Variants in MAN2B2 observed in about 807,000 individuals in gnomAD.
MAN2B2 encodes epididymis-specific alpha-mannosidase.
Under a neutral mutation model 117.1 loss-of-function variants are expected in MAN2B2, and 106 were observed. The observed-to-expected ratio is 0.90, with a 90% CI of 0.77 to 1.06. The LOEUF (loss-of-function observed/expected upper bound fraction) is 1.06, where lower values mean the gene tolerates loss of function less well. Among genes scored for constraint, MAN2B2 ranks in the 50% least tolerant of loss-of-function variants. The pLI is 0.00. For synonymous variants in MAN2B2, 544 were observed against 595.1 expected (o/e 0.91, Z 1.25); for missense variants, 1,326 against 1,381.4 (o/e 0.96, Z 0.64).
At chr4:6,581,020 T>G (rs991317737) in intron 3 of MAN2B2, among the ~76,000 whole-genome samples, 2 of 152,136 alleles carry the variant, frequency 1.3e-5, no homozygotes, top group African/African-American at 4.8e-5. Flanking sequence ...GCCCTCAGGG[T>G]ACAGACATGT....
Position 6,609,002 on chromosome 4 carries a change from T to A in MAN2B2, c.1815-105T>A. On this transcript the variant is annotated intron_variant, in intron 11 of 18. Transcript: ENST00000285599. ...CTGAGTCACATGGCCTCGTGAGTGC[T>A]ACGCAGGCCACTCAGATGGCATCTG... is the stretch of plus-strand genomic sequence containing the variant. 9.5e-6 allele frequency: 10 copies of A among 1,055,234 alleles called. No homozygotes were observed. The South Asian group carries it at 1.6e-4, about 17-fold the overall frequency. The allele number at this position is 1,055,234 out of a possible 1,614,324, so 65.4% of individuals were successfully genotyped here. A position where few individuals can be genotyped will look rare whatever the true frequency, so the allele number is the denominator to read the frequency against.
chr4:6,583,659 AAG>A (rs1323471781), intron 3 of MAN2B2, among the ~76,000 whole-genome samples: 1 of 152,232 alleles, frequency 6.6e-6, no homozygotes, highest in Non-Finnish European at 1.5e-5. Flanking sequence ...AAGGCAGAAA[AAG>A]AGACTGAGGC....
intron 7 of MAN2B2, among the ~76,000 whole-genome samples, chr4:6,595,840 C>T (rs749948311): frequency 6.6e-6 from 1 of 152,232 alleles, no homozygotes; most frequent in Non-Finnish European, 1.5e-5. Context: ...CTGGCTTAGT[C>T]CTGCCTCTCT....
rs1299162750 is a variant in MAN2B2 at position 6,611,284 on chromosome 4, G to A, written c.2563+6G>A. 5 of 1,590,686 alleles carry A rather than the reference G, an allele frequency of 3.1e-6. No homozygotes were observed. Among genetic ancestry groups the A allele is most frequent in the Non-Finnish European group, 4.3e-6 (5 of 1,168,084 alleles). On this transcript the variant is annotated splice_donor_region_variant and intron_variant, in intron 15 of 18. Transcript: ENST00000285599. ...GCTGTTCGGAGACCTCGCTGGTAAA[G>A]GGGCACCCTTTCAGAGTAACATCAT...
rs752203657 is a variant in MAN2B2, at chr4:6,598,239, G to A, written c.1290G>A (p.Lys430=). 3 of 1,613,802 alleles carry A rather than the reference G, an allele frequency of 1.9e-6. 1 individual carries two copies. In the South Asian group the frequency reaches 3.3e-5, roughly 18 times the overall value. ...CCATCACTGGGACTGAGTCCCCCAA[G>A]GTGAGAGACATGTACGCAACGCACC... ...HDAITGTESP[K]VRDMYATHLA... The change falls in exon 9 of 19, where the codon AAG becomes AAA. Residue 430 remains lysine (K), a synonymous_variant. Transcript: ENST00000285599.
intron 4 of MAN2B2, 79 bp from the exon 5 acceptor site, chr4:6,588,966 C>A (rs984739673): frequency 3.8e-6 from 4 of 1,039,580 alleles, no homozygotes; most frequent in Non-Finnish European, 6.0e-6. Context: ...AGGCGGGAGA[C>A]ACCCAGATGG....
chr4:6,597,031 C>G (rs1727122017), intron 7 of MAN2B2, 82 bp from the exon 8 acceptor site: 4 of 1,384,382 alleles, frequency 2.9e-6, no homozygotes, highest in Non-Finnish European at 9.9e-7. Context: ...GCAGCCCCAG[C>G]TTCTCAGCTC....
intron 7 of MAN2B2, among the ~76,000 whole-genome samples, chr4:6,595,417 G>A (rs190472101): frequency 6.6e-6 from 1 of 152,332 alleles, no homozygotes; most frequent in Non-Finnish European, 1.5e-5. Flanking sequence ...TGCTGTAACA[G>A]TATACCACAG....
intron 3 of MAN2B2, among the ~76,000 whole-genome samples, chr4:6,585,915 C>T (rs1188933340): frequency 6.6e-6 from 1 of 152,222 alleles, no homozygotes; most frequent in Non-Finnish European, 1.5e-5. Context: ...TGCCCTTCAC[C>T]TTCTCTCCTC....
chr4:6,578,525 G>T, intron 3 of MAN2B2, 27 bp downstream of exon 3: 7 of 1,591,334 alleles, frequency 4.4e-6, no homozygotes, highest in Non-Finnish European at 6.0e-6. Flanking sequence ...CTGCACCCAG[G>T]GTCCCTCAGG....
chr4:6,579,204 T>C lies in MAN2B2; in HGVS notation c.391+706T>C, dbSNP rs1379955356. Among the ~76,000 whole-genome samples, 174 of 25,688 alleles carry C rather than the reference T, an allele frequency of 6.8e-3. 9 individuals carry two copies. Among genetic ancestry groups the C allele is most frequent in the South Asian group, 0.012 (7 of 570 alleles). The allele number at this position is 25,688 out of a possible 152,430, so 16.9% of individuals were successfully genotyped here. A position where few individuals can be genotyped will look rare whatever the true frequency, so the allele number is the denominator to read the frequency against. ...ATCACCATCACCAGCACCACCACCA[T>C]CACCATCACCACCACCACCACCACC... On this transcript the variant is annotated intron_variant, in intron 3 of 18. Transcript: ENST00000285599.
intron 16 of MAN2B2, among the ~76,000 whole-genome samples, chr4:6,616,809 G>T (rs113387521): frequency 6.6e-6 from 1 of 152,144 alleles, no homozygotes; most frequent in South Asian, 2.1e-4. Flanking sequence ...TCCCTCTGCC[G>T]CGCACCAGCT....
chr4:6,578,988 TCACTACCACTACCATCAC>T (rs1254255452), intron 3 of MAN2B2, among the ~76,000 whole-genome samples: 3 of 124,854 alleles, frequency 2.4e-5, no homozygotes, highest in Non-Finnish European at 3.5e-5. Flanking sequence ...ACGATGACCA[TCACTACCACTACCATCAC>T]CACCACCACC....
intron 16 of MAN2B2, among the ~76,000 whole-genome samples, chr4:6,616,753 G>A (rs1282855836): frequency 1.3e-5 from 2 of 152,178 alleles, no homozygotes; most frequent in Non-Finnish European, 2.9e-5. Flanking sequence ...TGCAGCTGGT[G>A]TCATGGTGGG....
intron 5 of MAN2B2, 124 bp from the exon 6 acceptor site, chr4:6,593,049 A>G: frequency 1.1e-6 from 1 of 882,810 alleles, no homozygotes; most frequent in East Asian, 2.9e-5. Context: ...GGAGTGGGAG[A>G]ATTCAGTCTC....
intron 12 of MAN2B2, 88 bp from the exon 13 acceptor site, chr4:6,609,701 GCCCTGCCCA>G (rs1377818468): frequency 5.4e-5 from 49 of 902,682 alleles, no homozygotes; most frequent in Middle Eastern, 2.5e-4. Flanking sequence ...GGCGTACCCT[GCCCTGCCCA>G]CCCTGCCCAC....
intron 15 of MAN2B2, among the ~76,000 whole-genome samples, chr4:6,612,314 G>C (rs1205673887): frequency 1.3e-5 from 2 of 152,246 alleles, no homozygotes; most frequent in African/African-American, 4.8e-5. Context: ...CCAGGATTCA[G>C]GGTGGAGAAG....
chr4:6,616,938 T>C (rs959659425), intron 16 of MAN2B2, among the ~76,000 whole-genome samples: 1 of 152,170 alleles, frequency 6.6e-6, no homozygotes, highest in Non-Finnish European at 1.5e-5. Context: ...CATAAAGACA[T>C]ACCCGAGACT....
At chr4:6,606,140 AAGGGGAG>A (rs1727537175) in intron 11 of MAN2B2, among the ~76,000 whole-genome samples, 1 of 152,182 alleles carries the variant, frequency 6.6e-6, no homozygotes, top group African/African-American at 2.4e-5. Flanking sequence ...GGGGACAGGA[AAGGGGAG>A]AGGGGAGACA....
Sources: allele counts gnomAD v4.1 joint callset (sites outside exome capture counted in the v4.1 genomes callset), GRCh38; gene constraint gnomAD v4.1.1; transcripts MANE v1.5; gene names NCBI Gene and HGNC (gene_info 2026-07-23, HGNC 2026-07-21).